The following ADAMTS16 variants were observed in gnomAD, a reference collection of about 807,000 sequenced individuals.
The protein encoded by ADAMTS16 is A disintegrin and metalloproteinase with thrombospondin motifs 16.
In ADAMTS16, 94 loss-of-function variants were observed where a neutral mutation model predicts 145.8. The observed-to-expected ratio is 0.64, with a 90% CI of 0.55 to 0.77. The LOEUF is 0.77. ADAMTS16 is among the 30% of genes least tolerant of loss of function. The probability of loss-of-function intolerance (pLI) is 0.00; values close to 1 mark genes in which losing one functional copy is unlikely to be tolerated. For synonymous variants in ADAMTS16, 659 were observed against 604.3 expected, an observed-to-expected ratio of 1.09 and a Z score of -1.33; for missense variants, 1,585 against 1,591.5, an observed-to-expected ratio of 1.00 and a Z score of 0.07.
chr5:5,243,871 T>A (rs1212484038), intron 17 of ADAMTS16, among the ~76,000 whole-genome samples: 1 of 152,156 alleles, frequency 6.6e-6, no homozygotes, highest in Non-Finnish European at 1.5e-5. Context: ...AATGGATGAT[T>A]AGTGTATTTG....
intron 3 of ADAMTS16, among the ~76,000 whole-genome samples, chr5:5,161,999 G>T (rs1399530367): frequency 1.3e-5 from 2 of 152,100 alleles, no homozygotes; most frequent in Non-Finnish European, 2.9e-5. Context: ...CTCATCTTTA[G>T]TGTACCCCAG....
rs1025496182 is a variant in ADAMTS16, at chr5:5,269,683, C to T, written c.2789+6900C>T. On this transcript the variant is annotated intron_variant, in intron 18 of 22. Coordinates refer to ENST00000274181, the MANE Select transcript of ADAMTS16 (RefSeq NM_139056.4). This position sits in a 1 kb window ranked among gnomAD's most constrained non-coding sequence, Gnocchi z 4.3. ...TTACTATTTTTTCCATATAAGTGAC[C>T]CATTTCGCCCAGTGGTTCCTGTTGT... Among the ~76,000 whole-genome samples the T allele has an allele frequency of 6.6e-6, 1 of 152,148 alleles. No homozygotes were observed. Among genetic ancestry groups the T allele is most frequent in the African/African-American group, 2.4e-5 (1 of 41,434 alleles).
intron 18 of ADAMTS16, among the ~76,000 whole-genome samples, chr5:5,267,628 G>A (rs994616707): frequency 3.9e-5 from 6 of 152,146 alleles, no homozygotes; most frequent in Non-Finnish European, 7.3e-5. Context: ...TCACTTGTGT[G>A]TTCTTCCACC....
intron 3 of ADAMTS16, among the ~76,000 whole-genome samples, chr5:5,166,131 T>G (rs1297515483): frequency 6.6e-6 from 1 of 152,194 alleles, no homozygotes; most frequent in East Asian, 1.9e-4. Flanking sequence ...CTTTGAAGTT[T>G]ATTTAATCTA....
chr5:5,170,199 T>C (rs184760344), intron 3 of ADAMTS16, among the ~76,000 whole-genome samples: 28 of 152,312 alleles, frequency 1.8e-4, no homozygotes, highest in African/African-American at 6.7e-4. Context: ...CTCCACATCC[T>C]CGCCAGCATT....
chr5:5,297,768 C>A (rs890682204), intron 18 of ADAMTS16, among the ~76,000 whole-genome samples: 1 of 152,212 alleles, frequency 6.6e-6, no homozygotes, highest in African/African-American at 2.4e-5. Context: ...TTGTGAGGAG[C>A]TTTGATGTCC....
At chr5:5,241,254 G>A (rs553011952) in intron 16 of ADAMTS16, among the ~76,000 whole-genome samples, 1 of 152,304 alleles carries the variant, frequency 6.6e-6, no homozygotes, top group African/African-American at 2.4e-5. Context: ...GAGTTTTCCA[G>A]AAAAGTCTTC....
At position 5,222,851 on chromosome 5, in the gene ADAMTS16, A is replaced by G. The variant is rs1360374782; in HGVS notation, c.1668A>G (p.Pro556=). 1.2e-6 allele frequency: 2 copies of G among 1,614,072 alleles called. No individual in the cohort carries two copies. The highest frequency in any genetic ancestry group is 1.7e-5 in the Admixed American group (1 of 60,010). Reference sequence around the variant, plus strand: ...GGAAATGTGAGACTAAATTTATGCCAGCAGCAGAAGGCACAATTTGTGGGC... The same window carrying G: ...GGAAATGTGAGACTAAATTTATGCCGGCAGCAGAAGGCACAATTTGTGGGC... The part of the protein sequence containing the change: ...IGRKCETKFM[P]AAEGTICGHD... The change falls in exon 11 of 23, where the codon CCA becomes CCG. Residue 556 remains proline, a synonymous_variant. Transcript: ENST00000274181.
Position 5,303,477 on chromosome 5 carries a change from G to C in ADAMTS16, c.2991+8G>C, listed in dbSNP as rs1321641910. The C allele has an allele frequency of 1.2e-6, 2 of 1,608,966 alleles. No homozygotes were observed. The highest frequency in any genetic ancestry group is 1.3e-5 in the African/African-American group (1 of 74,986). ...GCCGGGCCCTGGGCAGAGGTAACCA[G>C]GGTGGGGTTGGCATGGGTGGCAGCA... On this transcript the variant is annotated splice_region_variant and intron_variant, in intron 19 of 22. Transcript: ENST00000274181.
At chr5:5,231,651 G>A (rs955470386) in intron 11 of ADAMTS16, among the ~76,000 whole-genome samples, 9 of 152,190 alleles carry the variant, frequency 5.9e-5, no homozygotes, top group South Asian at 2.1e-4. Context: ...GGGAACCACC[G>A]CTGTTGGACA....
At chr5:5,267,087 C>T (rs1318919520) in intron 18 of ADAMTS16, among the ~76,000 whole-genome samples, 1 of 152,162 alleles carries the variant, frequency 6.6e-6, no homozygotes, top group African/African-American at 2.4e-5. Flanking sequence ...TTTTCCCCCT[C>T]GCAGGGTGTG....
At chr5:5,193,062 T>C (rs1735706195) in intron 8 of ADAMTS16, among the ~76,000 whole-genome samples, 1 of 152,258 alleles carries the variant, frequency 6.6e-6, no homozygotes, top group Non-Finnish European at 1.5e-5. Flanking sequence ...AAGGCAAGTG[T>C]TTGTGATTTG....
At chr5:5,242,007 G>T (rs372345648) in intron 16 of ADAMTS16, 46 bp from the exon 17 acceptor site, 1 of 1,608,614 alleles carries the variant, frequency 6.2e-7, no homozygotes, top group Non-Finnish European at 8.5e-7. Context: ...GTACTTGCTG[G>T]TTTTGCATTA....
chr5:5,233,757 G>C (rs770951005), intron 12 of ADAMTS16, among the ~76,000 whole-genome samples: 19 of 152,190 alleles, frequency 1.2e-4, no homozygotes, highest in South Asian at 2.1e-4. Context: ...GGGCGTTTAG[G>C]TTGACTCCAT....
At chr5:5,270,512 A>G (rs1738426054) in intron 18 of ADAMTS16, among the ~76,000 whole-genome samples, 1 of 152,206 alleles carries the variant, frequency 6.6e-6, no homozygotes, top group Non-Finnish European at 1.5e-5. Flanking sequence ...AATCTTGGCT[A>G]TGATTATTGT....
intron 9 of ADAMTS16, among the ~76,000 whole-genome samples, chr5:5,206,847 C>T (rs996415970): frequency 6.6e-6 from 1 of 152,154 alleles, no homozygotes; most frequent in African/African-American, 2.4e-5. Flanking sequence ...GCTATCTTTT[C>T]TCCATTCCAT....
Position 5,246,993 on chromosome 5 carries a change from G to A in ADAMTS16, c.2662+4802G>A, listed in dbSNP as rs1438947707. Among the ~76,000 whole-genome samples, 3 of 152,204 alleles carry A rather than the reference G, an allele frequency of 2.0e-5. No individual in the cohort carries two copies. In the East Asian group the frequency reaches 5.8e-4, roughly 29 times the overall value. On this transcript the variant is annotated intron_variant, in intron 17 of 22. Transcript: ENST00000274181. ...GGGCAGGAAGAGTCTCAGCTCAGCT[G>A]CAGTTGGGACGCCTGTCTTCCTCTG...
intron 3 of ADAMTS16, among the ~76,000 whole-genome samples, chr5:5,163,617 C>T (rs1734794500): frequency 6.6e-6 from 1 of 152,152 alleles, no homozygotes. Flanking sequence ...TCAGGCCCTA[C>T]AGTGCAAAAG....
At chr5:5,305,635 C>G (rs1740114069) in intron 20 of ADAMTS16, among the ~76,000 whole-genome samples, 2 of 152,210 alleles carry the variant, frequency 1.3e-5, no homozygotes, top group African/African-American at 4.8e-5. Flanking sequence ...CATCTTCGAT[C>G]AGGATGCACA....
Sources: allele counts gnomAD v4.1 joint callset (sites outside exome capture counted in the v4.1 genomes callset), GRCh38; gene constraint gnomAD v4.1.1; non-coding constraint Gnocchi (gnomAD v3.1); transcripts MANE v1.5; gene names NCBI Gene and HGNC (gene_info 2026-07-23, HGNC 2026-07-21).